RAI2: variants seen among roughly 807,000 people sequenced by gnomAD.
RAI2 encodes retinoic acid-induced protein 2.
In RAI2, 5 loss-of-function variants were observed where a neutral mutation model predicts 15.3. That is an observed-to-expected ratio of 0.33 (90% confidence interval 0.17 to 0.69). The LOEUF (loss-of-function observed/expected upper bound fraction) is 0.69, where lower values mean the gene tolerates loss of function less well. Ranked by LOEUF, RAI2 falls within the 30% of genes least tolerant of loss-of-function variation. The probability of loss-of-function intolerance (pLI) is 0.69; values close to 1 mark genes in which losing one functional copy is unlikely to be tolerated. For missense variants in RAI2, 424 were observed against 424.7 expected (o/e 1.00, Z 0.01); for synonymous variants, 191 against 184.0 (o/e 1.04, Z -0.31).
chrX:17,838,424 T>C (rs189340134), intron 1 of RAI2, among the ~76,000 whole-genome samples: 1 of 111,781 alleles, frequency 8.9e-6, no homozygotes, highest in East Asian at 2.8e-4. Flanking sequence ...GAATACTGTC[T>C]CTCTCTGTCT....
At chrX:17,856,410 G>T (rs928310372) in intron 1 of RAI2, among the ~76,000 whole-genome samples, 1 of 111,892 alleles carries the variant, frequency 8.9e-6, no homozygotes, top group African/African-American at 3.3e-5. Context: ...AAGCCCCAGA[G>T]AGGTCACTTG....
chrX:17,802,109 T>C (rs1175002487), intron 1 of RAI2, 75 bp from the exon 2 acceptor site: 21 of 1,094,371 alleles, frequency 1.9e-5, no homozygotes, highest in Non-Finnish European at 2.5e-5. Context: ...CTCTCACATC[T>C]TTAGAAAGTT....
At chrX:17,831,036 TA>T (rs1255458809) in intron 1 of RAI2, among the ~76,000 whole-genome samples, 1 of 111,704 alleles carries the variant, frequency 9.0e-6, no homozygotes, top group Non-Finnish European at 1.9e-5. Context: ...CAAACATCCA[TA>T]AAAGGACATA....
Position 17,801,261 on chromosome X carries a change from G to C in RAI2, c.750C>G (p.Ile250Met). 1 of 1,201,952 alleles carries C rather than the reference G, an allele frequency of 8.3e-7. No individual in the cohort carries two copies. The highest frequency in any genetic ancestry group is 1.8e-5 in the South Asian group (1 of 55,584). Residue 250 changes from isoleucine to methionine, a missense_variant, in exon 2 of 2, where the codon ATC (isoleucine) becomes ATG (methionine). Physicochemically the swap from Ile to Met is conservative, Grantham distance 10. Coordinates refer to ENST00000451717, the MANE Select transcript of RAI2 (RefSeq NM_021785.6). ...LPVPVPIPIP[I>M]PMPQSSESKF... ...TGGATTCAGAACTCTGAGGCATCGG[G>C]ATGGGGATGGGAATAGGGACTGGCA...
intron 1 of RAI2, among the ~76,000 whole-genome samples, chrX:17,805,673 A>C (rs977538418): frequency 1.2e-4 from 13 of 112,341 alleles, no homozygotes; most frequent in African/African-American, 3.9e-4. Context: ...AGTATGCAGG[A>C]TCTCAGGGCA....
At chrX:17,845,661 AT>A (rs1486956108) in intron 1 of RAI2, among the ~76,000 whole-genome samples, 2 of 112,189 alleles carry the variant, frequency 1.8e-5, no homozygotes, top group African/African-American at 3.2e-5. Flanking sequence ...AAAACTTAAA[AT>A]TTTTTAAATT....
intron 1 of RAI2, among the ~76,000 whole-genome samples, chrX:17,850,652 A>G (rs2067520428): frequency 8.9e-6 from 1 of 112,308 alleles, no homozygotes; most frequent in Admixed American, 9.4e-5. Flanking sequence ...CTTAGGAATC[A>G]TAACAAAGCC....
chrX:17,831,306 C>T (rs917178989), intron 1 of RAI2, among the ~76,000 whole-genome samples: 10 of 111,451 alleles, frequency 9.0e-5, no homozygotes, highest in Non-Finnish European at 1.3e-4. Flanking sequence ...CTGCATTGGG[C>T]GGGCCTTTCA....
intron 1 of RAI2, among the ~76,000 whole-genome samples, chrX:17,858,431 A>G (rs1417721116): frequency 8.9e-6 from 1 of 112,199 alleles, no homozygotes; most frequent in Non-Finnish European, 1.9e-5. Context: ...CAAAATTCTA[A>G]GCTTAGGGGA....
intron 1 of RAI2, among the ~76,000 whole-genome samples, chrX:17,835,261 G>A (rs186333252): frequency 1.8e-5 from 2 of 112,426 alleles, no homozygotes; most frequent in Admixed American, 1.9e-4. Flanking sequence ...ACAGTAAAAC[G>A]ATTAGAAAAT....
At chrX:17,814,957 A>AAT (rs1456711415) in intron 1 of RAI2, among the ~76,000 whole-genome samples, 1 of 110,081 alleles carries the variant, frequency 9.1e-6, no homozygotes, top group Non-Finnish European at 1.9e-5. Context: ...TAATAATAAT[A>AAT]ATAATAACCT....
At chrX:17,826,450 C>A (rs767965250) in intron 1 of RAI2, among the ~76,000 whole-genome samples, 50 of 110,570 alleles carry the variant, frequency 4.5e-4, no homozygotes, top group African/African-American at 1.5e-3. Context: ...AGAGACCTCA[C>A]CCAGCACCCA....
intron 1 of RAI2, among the ~76,000 whole-genome samples, chrX:17,815,323 G>GCACA (rs5901632): frequency 4.6e-4 from 46 of 100,951 alleles, no homozygotes; most frequent in Admixed American, 1.5e-3. Context: ...GTGCACACGT[G>GCACA]CACACACACA....
At chrX:17,847,693 G>C (rs2067479910) in intron 1 of RAI2, among the ~76,000 whole-genome samples, 1 of 113,019 alleles carries the variant, frequency 8.8e-6, no homozygotes, top group African/African-American at 3.2e-5. Flanking sequence ...GGGAAGGGTG[G>C]AGCACTTGGC....
chrX:17,852,687 G>C (rs1397422137), intron 1 of RAI2, among the ~76,000 whole-genome samples: 2 of 112,248 alleles, frequency 1.8e-5, no homozygotes, highest in African/African-American at 6.5e-5. Context: ...ATATGGCTGA[G>C]GGCTTGTCCT....
chrX:17,855,144 T>A (rs1285625222), intron 1 of RAI2, among the ~76,000 whole-genome samples: 1 of 112,149 alleles, frequency 8.9e-6, no homozygotes, highest in Non-Finnish European at 1.9e-5. Flanking sequence ...TTATTCTGTC[T>A]CCCTCGCAGA....
intron 1 of RAI2, among the ~76,000 whole-genome samples, chrX:17,803,086 C>T (rs2066936202): frequency 9.0e-6 from 1 of 111,486 alleles, no homozygotes. Flanking sequence ...CTGGGCAGGC[C>T]TTGGGCAACT....
chrX:17,845,993 T>C (rs1294927215), intron 1 of RAI2, among the ~76,000 whole-genome samples: 4 of 112,097 alleles, frequency 3.6e-5, no homozygotes, highest in African/African-American at 1.3e-4. Context: ...ATAACAAGAA[T>C]GGCATAGGGC....
intron 1 of RAI2, among the ~76,000 whole-genome samples, chrX:17,836,790 T>C: frequency 8.9e-6 from 1 of 112,208 alleles, no homozygotes; most frequent in Admixed American, 9.4e-5. Context: ...ATGGTTAAAT[T>C]TGGATTCCCC....
Sources: allele counts gnomAD v4.1 joint callset (sites outside exome capture counted in the v4.1 genomes callset), GRCh38; gene constraint gnomAD v4.1.1; transcripts MANE v1.5; gene names NCBI Gene and HGNC (gene_info 2026-07-23, HGNC 2026-07-21).